Variants in FRAS1 observed in about 807,000 individuals in gnomAD.
The protein encoded by FRAS1 is Fraser extracellular matrix complex subunit 1.
A neutral mutation model predicts 435.2 loss-of-function variants in FRAS1; 290 were observed. The ratio of observed to expected loss-of-function variants is 0.67; its 90% CI spans 0.61 to 0.73. The LOEUF is 0.73. Ranked by LOEUF, FRAS1 falls within the 30% of genes least tolerant of loss-of-function variation. The pLI, the probability that FRAS1 is intolerant of heterozygous loss-of-function variation, is 0.00. For missense variants in FRAS1, 4,860 were observed against 5,001.5 expected (o/e 0.97, Z 0.85); for synonymous variants, 1,800 against 1,851.0 (o/e 0.97, Z 0.71).
rs185887984 is a variant in FRAS1 at position 78,236,985 on chromosome 4, G to A, written c.109-525G>A. 3.3e-5 allele frequency among the ~76,000 whole-genome samples: 5 copies of A among 152,124 alleles called. No homozygotes were observed. The East Asian group carries it at 9.6e-4, about 29-fold the overall frequency. On this transcript the variant is annotated intron_variant, in intron 2 of 73. Coordinates refer to ENST00000512123, the MANE Select transcript of FRAS1 (RefSeq NM_025074.7). ...AAAATAGTCACTCATACATATGTTG[G>A]TGCATCTGTCTTTAAAAATCCAACT...
chr4:78,257,415 G>A (rs945677166), intron 6 of FRAS1, among the ~76,000 whole-genome samples: 1 of 151,996 alleles, frequency 6.6e-6, no homozygotes, highest in Non-Finnish European at 1.5e-5. Flanking sequence ...TTCCAAGAAT[G>A]TTATATACAT....
In FRAS1 at chr4:78,448,234, AG is replaced by A. The variant is rs758171501; in HGVS notation, c.6195del (p.Arg2066GlyfsTer2). 1 of 1,562,382 alleles carries A rather than the reference AG, an allele frequency of 6.4e-7. No individual in the cohort carries two copies. The highest frequency in any genetic ancestry group is 2.3e-5 in the East Asian group (1 of 43,112). ...SLTDGLHVDT[G>X]RMKIYTELPA... is the part of the protein sequence containing the mutation. ...TCACTGATGGCCTCCACGTGGACAC[AG>A]GGAGGATGAAGATCTACACAGAACT... is the stretch of plus-strand genomic sequence containing the variant. On this transcript the variant is annotated frameshift_variant, in exon 44 of 74. Coordinates refer to ENST00000512123, the MANE Select transcript of FRAS1 (RefSeq NM_025074.7). LOFTEE classifies it high-confidence loss of function.
intron 2 of FRAS1, among the ~76,000 whole-genome samples, chr4:78,125,297 T>C (rs1180825733): frequency 1.3e-5 from 2 of 152,214 alleles, no homozygotes; most frequent in East Asian, 1.9e-4. Context: ...AATTGTGTGG[T>C]TTTGAGTGAG....
chr4:78,118,565 A>T (rs1002939786), intron 2 of FRAS1, among the ~76,000 whole-genome samples: 19 of 152,278 alleles, frequency 1.2e-4, no homozygotes, highest in African/African-American at 4.6e-4. Context: ...GTTTGATCTC[A>T]GACTGCTGTG....
At position 78,260,710 on chromosome 4, in the gene FRAS1, A is replaced by G. The variant is rs541193858; in HGVS notation, c.604-4315A>G. Among the ~76,000 whole-genome samples the G allele has an allele frequency of 2.1e-3, 321 of 152,166 alleles. 3 individuals carry two copies. The highest frequency in any genetic ancestry group is 4.4e-3 in the East Asian group (23 of 5,182). On this transcript the variant is annotated intron_variant, in intron 6 of 73. Coordinates refer to ENST00000512123, the MANE Select transcript of FRAS1 (RefSeq NM_025074.7). Reference sequence around the variant, plus strand: ...TACCCTTTATTTCCTTCTCCTGCCTAATTACCCTGGCCAGAACTTCCAACA... The same window carrying G: ...TACCCTTTATTTCCTTCTCCTGCCTGATTACCCTGGCCAGAACTTCCAACA...
intron 26 of FRAS1, 91 bp downstream of exon 26, chr4:78,375,970 A>G (rs1411564677): frequency 1.4e-6 from 2 of 1,422,198 alleles, no homozygotes; most frequent in Non-Finnish European, 9.8e-7. Context: ...CTTATGTGAT[A>G]TAAAATGCAG....
chr4:78,371,083 G>GTTT (rs1242709942), intron 23 of FRAS1, among the ~76,000 whole-genome samples: 59 of 127,434 alleles, frequency 4.6e-4, no homozygotes, highest in African/African-American at 1.8e-3. Context: ...TTTTTTTTCT[G>GTTT]TTTTTTTGTT....
intron 18 of FRAS1, among the ~76,000 whole-genome samples, chr4:78,325,825 T>C (rs1001768774): frequency 6.6e-6 from 1 of 152,162 alleles, no homozygotes; most frequent in African/African-American, 2.4e-5. Context: ...GAAAGATTTG[T>C]AGAGGGAAAA....
intron 7 of FRAS1, 114 bp downstream of exon 7, chr4:78,265,222 A>G: frequency 1.6e-6 from 1 of 620,224 alleles, no homozygotes; most frequent in Non-Finnish European, 2.8e-6. Context: ...TGCCAGGAAT[A>G]GTAACTCAGT....
intron 25 of FRAS1, among the ~76,000 whole-genome samples, chr4:78,374,761 G>A (rs964334325): frequency 1.3e-5 from 2 of 152,112 alleles, no homozygotes; most frequent in African/African-American, 4.8e-5. Flanking sequence ...TTATCAGTTT[G>A]TTCTCATCAT....
At chr4:78,087,342 G>A (rs1329009383) in intron 2 of FRAS1, among the ~76,000 whole-genome samples, 5 of 151,982 alleles carry the variant, frequency 3.3e-5, no homozygotes, top group African/African-American at 7.3e-5. Flanking sequence ...AAAATTGGAA[G>A]CATTCCCTTT....
At chr4:78,511,208 C>T in intron 63 of FRAS1, 66 bp from the exon 64 acceptor site, 1 of 1,267,990 alleles carries the variant, frequency 7.9e-7, no homozygotes, top group Non-Finnish European at 1.1e-6. Flanking sequence ...TTAACTTGAA[C>T]CAGATCATGT....
At chr4:78,357,004 T>C (rs1283591395) in intron 20 of FRAS1, among the ~76,000 whole-genome samples, 2 of 152,120 alleles carry the variant, frequency 1.3e-5, no homozygotes, top group Non-Finnish European at 2.9e-5. Flanking sequence ...AGAGGCTCTT[T>C]TGTGTGTTCT....
intron 70 of FRAS1, among the ~76,000 whole-genome samples, chr4:78,527,972 G>A (rs1042436613): frequency 3.3e-5 from 5 of 152,242 alleles, no homozygotes; most frequent in Middle Eastern, 6.8e-3. Flanking sequence ...ATAGCTGGAA[G>A]CACAGAGAGT....
chr4:78,125,831 T>C (rs1440655470), intron 2 of FRAS1, among the ~76,000 whole-genome samples: 2 of 152,172 alleles, frequency 1.3e-5, no homozygotes, highest in African/African-American at 4.8e-5. Flanking sequence ...GGCTACACGG[T>C]GGTCAGGGAC....
chr4:78,167,601 TATA>T (rs1238676908), intron 2 of FRAS1, among the ~76,000 whole-genome samples: 1 of 152,004 alleles, frequency 6.6e-6, no homozygotes, highest in Admixed American at 6.5e-5. Flanking sequence ...AGTCCTCAGG[TATA>T]ATAACTCTTT....
At chr4:78,175,780 C>G (rs9999151) in intron 2 of FRAS1, among the ~76,000 whole-genome samples, 7,870 of 152,194 alleles carry the variant, frequency 0.052, 486 homozygotes, top group African/African-American at 0.15. Flanking sequence ...AATGGCCACC[C>G]TTTCCACCCT....
In FRAS1 at chr4:78,489,193, T is replaced by G. The variant is rs117434562; in HGVS notation, c.8958+113T>G. On this transcript the variant is annotated intron_variant, in intron 59 of 73. Coordinates refer to ENST00000512123, the MANE Select transcript of FRAS1 (RefSeq NM_025074.7). ...TTCTCAGAATTTTGTATACTACAGG[T>G]GACCCTTGAACAATGCAGGGGATAG... 388 of 980,298 alleles carry G rather than the reference T, an allele frequency of 4.0e-4. 5 individuals carry two copies. The East Asian group carries it at 5.5e-3, about 14-fold the overall frequency. 60.7% of individuals were successfully genotyped at this position (980,298 alleles called of 1,614,324 possible). A position where few individuals can be genotyped will look rare whatever the true frequency, so the allele number is the denominator to read the frequency against.
chr4:78,064,179 C>T (rs2109845863), intron 1 of FRAS1, among the ~76,000 whole-genome samples: 1 of 150,276 alleles, frequency 6.7e-6, no homozygotes, highest in Admixed American at 6.6e-5. Context: ...TCAAGTTATT[C>T]TTATTAGAAC....
Sources: allele counts gnomAD v4.1 joint callset (sites outside exome capture counted in the v4.1 genomes callset), GRCh38; gene constraint gnomAD v4.1.1; transcripts MANE v1.5; gene names NCBI Gene and HGNC (gene_info 2026-07-23, HGNC 2026-07-21).